COL22A1: variants seen among roughly 807,000 people sequenced by gnomAD.
COL22A1 encodes collagen type XXII alpha 1 chain.
A neutral mutation model predicts 248.9 loss-of-function variants in COL22A1; 221 were observed. That is an observed-to-expected ratio of 0.89 (90% CI 0.80 to 0.99). COL22A1 has a LOEUF of 0.99. COL22A1 is among the 50% of genes least tolerant of loss of function. The pLI, the probability that COL22A1 is intolerant of heterozygous loss-of-function variation, is 0.00. For missense variants in COL22A1, 2,240 were observed against 2,179.0 expected (o/e 1.03, Z -0.56); for synonymous variants, 891 against 793.4 (o/e 1.12, Z -2.07).
chr8:138,871,219 T>A (rs1350508608), intron 3 of COL22A1, among the ~76,000 whole-genome samples: 1 of 152,088 alleles, frequency 6.6e-6, no homozygotes, highest in Non-Finnish European at 1.5e-5. Flanking sequence ...AAGGGAAAGA[T>A]AATTGCAGGG....
intron 61 of COL22A1, among the ~76,000 whole-genome samples, chr8:138,597,916 C>A (rs1468463406): frequency 6.6e-6 from 1 of 152,140 alleles, no homozygotes; most frequent in Non-Finnish European, 1.5e-5. Flanking sequence ...TTTCAGGGCA[C>A]CTGAAACCCA....
intron 14 of COL22A1, among the ~76,000 whole-genome samples, chr8:138,778,925 A>G (rs1814716220): frequency 1.3e-5 from 2 of 152,238 alleles, no homozygotes; most frequent in Admixed American, 1.3e-4. Context: ...ATTGCCTCTG[A>G]ACAACTAGTT....
At chr8:138,655,981 G>C (rs1477628131) in intron 44 of COL22A1, 37 bp from the exon 45 acceptor site, 2 of 1,509,168 alleles carry the variant, frequency 1.3e-6, no homozygotes, top group East Asian at 4.5e-5. Context: ...ATACGTACAT[G>C]CATATATACA....
chr8:138,591,812 A>G (rs1031003541), intron 63 of COL22A1, among the ~76,000 whole-genome samples: 6 of 152,370 alleles, frequency 3.9e-5, no homozygotes, highest in Non-Finnish European at 8.8e-5. Flanking sequence ...CCAATTCCAT[A>G]CAGACATATA....
In COL22A1 at chr8:138,592,723, C is replaced by T. The variant is rs1817183780; in HGVS notation, c.4616-1222G>A. ...CACATGCTCCTTTCCCTGCCCCATG[C>T]TTATTCCTAATCGGTCGGACAGGAG... is the stretch of plus-strand genomic sequence containing the variant. On this transcript the variant is annotated intron_variant, in intron 63 of 64. Transcript: ENST00000303045. 2.1e-5 allele frequency among the ~76,000 whole-genome samples: 3 copies of T among 142,346 alleles called. No homozygotes were observed. The South Asian group carries it at 6.4e-4, about 30-fold the overall frequency. The allele number at this position is 142,346 out of a possible 152,430, so 93.4% of individuals were successfully genotyped here.
chr8:138,809,528 C>CTTTTTTTTTTTTCTTTTTT (rs71518485), intron 9 of COL22A1, among the ~76,000 whole-genome samples: 1 of 117,630 alleles, frequency 8.5e-6, no homozygotes, highest in Non-Finnish European at 1.8e-5. Flanking sequence ...TTTTCTTTTT[C>CTTTTTTTTTTTTCTTTTTT]TTTTTTTTTT....
intron 22 of COL22A1, among the ~76,000 whole-genome samples, chr8:138,748,045 G>T (rs998241157): frequency 3.9e-5 from 6 of 152,296 alleles, no homozygotes; most frequent in African/African-American, 1.2e-4. Context: ...GTGTGCAGAG[G>T]CAGGATGCCT....
chr8:138,611,280 C>T (rs1447109121), intron 56 of COL22A1, among the ~76,000 whole-genome samples: 1 of 152,232 alleles, frequency 6.6e-6, no homozygotes, highest in East Asian at 1.9e-4. Flanking sequence ...TGGATTCTTA[C>T]AGCCTCCTTG....
At chr8:138,850,048 T>G (rs1188526684) in intron 3 of COL22A1, among the ~76,000 whole-genome samples, 1 of 152,174 alleles carries the variant, frequency 6.6e-6, no homozygotes, top group Non-Finnish European at 1.5e-5. Context: ...GGGAGGAAAT[T>G]GTTATTAACC....
At chr8:138,663,669 A>G (rs2130707893) in intron 42 of COL22A1, 36 bp downstream of exon 42, 1 of 1,522,782 alleles carries the variant, frequency 6.6e-7, no homozygotes, top group Non-Finnish European at 9.1e-7. Context: ...GATTCCTCCC[A>G]TAGAAACTCA....
chr8:138,753,303 G>A (rs141304172), intron 21 of COL22A1, among the ~76,000 whole-genome samples: 100 of 152,282 alleles, frequency 6.6e-4, no homozygotes, highest in Non-Finnish European at 1.3e-3. Context: ...GTTGGTCCTC[G>A]ACTAAAGAAT....
At chr8:138,700,268 T>G (rs1586497659) in intron 31 of COL22A1, 124 bp from the exon 32 acceptor site, 2 of 860,676 alleles carry the variant, frequency 2.3e-6, no homozygotes, top group East Asian at 5.3e-5. Context: ...CTGGAACGAT[T>G]ATTAGTTTTG....
At chr8:138,598,132 G>T (rs1468301945) in intron 61 of COL22A1, among the ~76,000 whole-genome samples, 1 of 152,218 alleles carries the variant, frequency 6.6e-6, no homozygotes, top group Non-Finnish European at 1.5e-5. Flanking sequence ...CCTGTGTCAT[G>T]AGATTGTGTA....
intron 16 of COL22A1, among the ~76,000 whole-genome samples, chr8:138,773,202 C>A (rs181779988): frequency 1.4e-4 from 21 of 152,324 alleles, no homozygotes; most frequent in African/African-American, 4.8e-4. Flanking sequence ...AGCGGAACCA[C>A]CACAGGCCCC....
chr8:138,829,413 T>TTTTTTTG (rs1554640296), intron 5 of COL22A1, among the ~76,000 whole-genome samples: 5 of 140,108 alleles, frequency 3.6e-5, no homozygotes, highest in African/African-American at 1.3e-4. Context: ...GTTTTTTTTT[T>TTTTTTTG]TTTTTTTTTT....
At chr8:138,622,586 C>T (rs1305545677) in intron 52 of COL22A1, among the ~76,000 whole-genome samples, 6 of 152,170 alleles carry the variant, frequency 3.9e-5, no homozygotes, top group African/African-American at 1.4e-4. Context: ...GCTATGTCCC[C>T]TTGTCTGACA....
intron 11 of COL22A1, among the ~76,000 whole-genome samples, chr8:138,799,207 A>G (rs967243472): frequency 6.6e-6 from 1 of 152,186 alleles, no homozygotes; most frequent in Non-Finnish European, 1.5e-5. Context: ...TTGATGAAAT[A>G]TGTCATTATG....
At chr8:138,667,912 G>A (rs1400304351) in intron 41 of COL22A1, among the ~76,000 whole-genome samples, 3 of 151,670 alleles carry the variant, frequency 2.0e-5, no homozygotes, top group Non-Finnish European at 2.9e-5. Flanking sequence ...CTAGGTCTGA[G>A]TACCAACTTA....
At chr8:138,744,012 G>A (rs189864821) in intron 22 of COL22A1, among the ~76,000 whole-genome samples, 4 of 152,282 alleles carry the variant, frequency 2.6e-5, no homozygotes, top group African/African-American at 9.6e-5. Flanking sequence ...GCCTCAGAAT[G>A]TCAAACATGA....
Sources: gnomAD v4.1 joint callset for allele counts (sites outside exome capture counted in the v4.1 genomes callset) on GRCh38, gnomAD v4.1.1 for gene constraint, MANE v1.5 for transcripts, NCBI Gene and HGNC (gene_info 2026-07-23, HGNC 2026-07-21) for gene names.